Variants in COL11A2 observed in about 807,000 individuals in gnomAD.
The protein encoded by COL11A2 is collagen type XI alpha 2 chain, also known as collagen alpha-2(XI) chain.
Under a neutral mutation model 273.4 loss-of-function variants are expected in COL11A2, and 116 were observed. That is an observed-to-expected ratio of 0.42 (90% CI 0.36 to 0.49). The LOEUF is 0.49. COL11A2 is among the 20% of genes least tolerant of loss of function. The pLI, the probability that COL11A2 is intolerant of heterozygous loss-of-function variation, is 0.00. For synonymous variants in COL11A2, 782 were observed against 864.2 expected, an observed-to-expected ratio of 0.90 and a Z score of 1.67; for missense variants, 1,866 against 2,309.0, an observed-to-expected ratio of 0.81 and a Z score of 3.93.
chr6:33,173,574 G>T lies in COL11A2; in HGVS notation c.2629-19C>A. On this transcript the variant is annotated intron_variant, in intron 35 of 65. Coordinates refer to ENST00000341947, the MANE Select transcript of COL11A2 (RefSeq NM_080680.3). This position sits in a 1 kb window ranked among gnomAD's most constrained non-coding sequence, Gnocchi z 6.3. Reference sequence around the variant, plus strand: ...GGAGGCCCTAGAGACAGAGGTGGGGGGAGTCAGGAGAATGGGGGCAGGGGC... The same window carrying T: ...GGAGGCCCTAGAGACAGAGGTGGGGTGAGTCAGGAGAATGGGGGCAGGGGC... 7.6e-7 allele frequency: 1 copy of T among 1,316,572 alleles called. No individual in the cohort carries two copies. Among genetic ancestry groups the T allele is most frequent in the South Asian group, 1.2e-5 (1 of 84,776 alleles). The allele number at this position is 1,316,572 out of a possible 1,614,324, so 81.6% of individuals were successfully genotyped here.
intron 5 of COL11A2, among the ~76,000 whole-genome samples, chr6:33,186,199 C>A (rs907322560): frequency 6.6e-6 from 1 of 151,938 alleles, no homozygotes; most frequent in African/African-American, 2.4e-5. Context: ...CACACTTCTG[C>A]AGACCCACCC....
rs73741509 is a variant in COL11A2 at position 33,168,284 on chromosome 6, C to T, written c.3960+235G>A. On this transcript the variant is annotated intron_variant, in intron 54 of 65. Coordinates refer to ENST00000341947, the MANE Select transcript of COL11A2 (RefSeq NM_080680.3). Reference sequence around the variant, plus strand: ...ACCCACCAGCTCCTGCACACACACTCGCCCAGTGCAATGAGATACCGCATA... The same window carrying T: ...ACCCACCAGCTCCTGCACACACACTTGCCCAGTGCAATGAGATACCGCATA... 0.041 allele frequency among the ~76,000 whole-genome samples: 6,157 copies of T among 150,352 alleles called. 155 individuals carry two copies. The highest frequency in any genetic ancestry group is 0.074 in the African/African-American group (3,043 of 41,194).
chr6:33,180,707 G>C lies in COL11A2; in HGVS notation c.1245C>G (p.Ile415Met). The C allele has an allele frequency of 1.2e-6, 2 of 1,611,200 alleles. No individual in the cohort carries two copies. The highest frequency in any genetic ancestry group is 1.7e-6 in the Non-Finnish European group (2 of 1,179,212). ...CTCCAACTGGGCCTGGGTTCCCCTG[G>C]ATGCCAGGGGGACCAATCAATCCCT... ...GPAGLIGPPGIQGNPGPVGDP... is the reference protein window; with the variant it reads ...GPAGLIGPPGMQGNPGPVGDP... Residue 415 changes from isoleucine to methionine, a missense_variant, in exon 11 of 66, where the codon ATC (isoleucine) becomes ATG (methionine). By Grantham distance (10) the Ile-to-Met change is conservative. Transcript: ENST00000341947.
chr6:33,163,462 G>A lies in COL11A2; in HGVS notation c.*216C>T. On this transcript the variant is annotated 3_prime_UTR_variant, in exon 66 of 66. Coordinates refer to ENST00000341947, the MANE Select transcript of COL11A2 (RefSeq NM_080680.3). The surrounding 1 kb of genome is among the most constrained non-coding windows in gnomAD (Gnocchi z 4.1). Reference sequence around the variant, plus strand: ...CTCTCTAACGGGTAACAGGCTCCAGGTGGGAGGGCCAAGAGCCCCAGATGC... The same window carrying A: ...CTCTCTAACGGGTAACAGGCTCCAGATGGGAGGGCCAAGAGCCCCAGATGC... The A allele has an allele frequency of 1.6e-6, 1 of 634,374 alleles. No individual in the cohort carries two copies. The highest frequency in any genetic ancestry group is 2.8e-6 in the Non-Finnish European group (1 of 357,784). 39.3% of individuals were successfully genotyped at this position (634,374 alleles called of 1,614,324 possible). A position where few individuals can be genotyped will look rare whatever the true frequency, so the allele number is the denominator to read the frequency against.
Position 33,173,568 on chromosome 6 carries a change from GTGGGGGGAGTCAGGAGAA to G in COL11A2, c.2629-31_2629-14del. 1 of 1,477,182 alleles carries G rather than the reference GTGGGGGGAGTCAGGAGAA, an allele frequency of 6.8e-7. No homozygotes were observed. Among genetic ancestry groups the G allele is most frequent in the Non-Finnish European group, 9.2e-7 (1 of 1,090,196 alleles). 91.5% of individuals were successfully genotyped at this position (1,477,182 alleles called of 1,614,324 possible). A position where few individuals can be genotyped will look rare whatever the true frequency, so the allele number is the denominator to read the frequency against. On this transcript the variant is annotated splice_polypyrimidine_tract_variant and intron_variant, in intron 35 of 65. Coordinates refer to ENST00000341947, the MANE Select transcript of COL11A2 (RefSeq NM_080680.3). This position sits in a 1 kb window ranked among gnomAD's most constrained non-coding sequence, Gnocchi z 6.3. The stretch of plus-strand genomic sequence containing the variant: ...GTCCAGGGAGGCCCTAGAGACAGAG[GTGGGGGGAGTCAGGAGAA>G]TGGGGGCAGGGGCTGAGTGGGGGAA...
Position 33,166,630 on chromosome 6 carries a change from C to A in COL11A2, c.4339-64G>T. ...CCACACCCTCCTGAGCACCTGCTCG[C>A]TTACCCACAGCTGAGTCCCAACTCC... On this transcript the variant is annotated intron_variant, in intron 59 of 65. Transcript: ENST00000341947. The surrounding 1 kb of genome is among the most constrained non-coding windows in gnomAD (Gnocchi z 4.8). 1.2e-6 allele frequency: 2 copies of A among 1,611,600 alleles called. No individual in the cohort carries two copies. The highest frequency in any genetic ancestry group is 1.7e-6 in the Non-Finnish European group (2 of 1,178,166).
In COL11A2 at chr6:33,170,029, C is replaced by A. The variant is rs758007592; in HGVS notation, c.3636+18G>T. ...CCCCCACTTCCATGACTGGTCCACT[C>A]ACCCCCTTCCCAGTTACCTTCTCTC... On this transcript the variant is annotated intron_variant, in intron 49 of 65. Coordinates refer to ENST00000341947, the MANE Select transcript of COL11A2 (RefSeq NM_080680.3). The surrounding 1 kb of genome is among the most constrained non-coding windows in gnomAD (Gnocchi z 4.3). The A allele has an allele frequency of 6.2e-7, 1 of 1,613,208 alleles. No homozygotes were observed. Among genetic ancestry groups the A allele is most frequent in the Non-Finnish European group, 8.5e-7 (1 of 1,179,960 alleles).
intron 8 of COL11A2, among the ~76,000 whole-genome samples, 165 bp downstream of exon 8, chr6:33,183,980 G>A (rs1398387214): frequency 1.3e-5 from 2 of 152,140 alleles, no homozygotes; most frequent in African/African-American, 4.8e-5. Flanking sequence ...AGGAAGGCAG[G>A]TAGTAATCTT....
Position 33,180,139 on chromosome 6 carries a change from G to T in COL11A2, c.1359+119C>A. On this transcript the variant is annotated intron_variant, in intron 12 of 65. Transcript: ENST00000341947. ...CAAAGACGAATCCCTTTGGAGTGAT[G>T]ATCTTTGATGATCTTTAGAGACTCC... 3.7e-6 allele frequency: 4 copies of T among 1,089,750 alleles called. No homozygotes were observed. In the South Asian group the frequency reaches 3.7e-5, roughly 10 times the overall value. The allele number at this position is 1,089,750 out of a possible 1,614,324, so 67.5% of individuals were successfully genotyped here.
chr6:33,178,527 C>T lies in COL11A2; in HGVS notation c.1720-39G>A, dbSNP rs1217531639. 1 of 1,612,648 alleles carries T rather than the reference C, an allele frequency of 6.2e-7. No individual in the cohort carries two copies. The highest frequency in any genetic ancestry group is 1.7e-5 in the Admixed American group (1 of 60,012). On this transcript the variant is annotated intron_variant, in intron 18 of 65. Coordinates refer to ENST00000341947, the MANE Select transcript of COL11A2 (RefSeq NM_080680.3). This position sits in a 1 kb window ranked among gnomAD's most constrained non-coding sequence, Gnocchi z 4.6. ...GAACTCATAAGAGGGGCTTCAGAGCCCCCAACACAGGCAGACACCGAACCT... is the reference window on the plus strand; with the variant it reads ...GAACTCATAAGAGGGGCTTCAGAGCTCCCAACACAGGCAGACACCGAACCT...
At position 33,166,880 on chromosome 6, in the gene COL11A2, G is replaced by C; in HGVS notation, c.4231-53C>G. 6.3e-7 allele frequency: 1 copy of C among 1,583,196 alleles called. No homozygotes were observed. Among genetic ancestry groups the C allele is most frequent in the Non-Finnish European group, 8.6e-7 (1 of 1,158,972 alleles). ...AATGCAAAGAGGAGTCATGTGGATG[G>C]GGGAGAAGGGCCAAGAGGACATGGA... On this transcript the variant is annotated intron_variant, in intron 58 of 65. Coordinates refer to ENST00000341947, the MANE Select transcript of COL11A2 (RefSeq NM_080680.3). This position sits in a 1 kb window ranked among gnomAD's most constrained non-coding sequence, Gnocchi z 4.8.
intron 8 of COL11A2, among the ~76,000 whole-genome samples, chr6:33,183,894 ATT>A (rs879868865): frequency 6.8e-6 from 1 of 147,806 alleles, no homozygotes; most frequent in African/African-American, 2.5e-5. Flanking sequence ...GTGGCTACAT[ATT>A]TTTTTTTTTT....
At chr6:33,181,253 T>C in intron 8 of COL11A2, 83 bp from the exon 9 acceptor site, 1 of 1,407,526 alleles carries the variant, frequency 7.1e-7, no homozygotes, top group Non-Finnish European at 1.0e-6. Context: ...ACTCCAACCT[T>C]GATTCTTAGA....
chr6:33,180,173 T>C (rs1395027919), intron 12 of COL11A2, 85 bp downstream of exon 12: 2 of 1,343,910 alleles, frequency 1.5e-6, no homozygotes, highest in African/African-American at 1.4e-5. Context: ...CCTCCATATC[T>C]TTCCTGCCCA....
At chr6:33,185,115 C>G (rs1028930838) in intron 6 of COL11A2, 61 bp from the exon 7 acceptor site, 5 of 1,306,878 alleles carry the variant, frequency 3.8e-6, no homozygotes, top group Non-Finnish European at 5.4e-6. Flanking sequence ...GAAAGGTTAG[C>G]AGAAGGGAGG....
In COL11A2 at chr6:33,165,412, A is replaced by T; in HGVS notation, c.4750+137T>A. The T allele has an allele frequency of 3.8e-6, 5 of 1,326,032 alleles. No homozygotes were observed. The highest frequency in any genetic ancestry group is 5.3e-6 in the Non-Finnish European group (5 of 938,328). 82.1% of individuals were successfully genotyped at this position (1,326,032 alleles called of 1,614,324 possible). A position where few individuals can be genotyped will look rare whatever the true frequency, so the allele number is the denominator to read the frequency against. On this transcript the variant is annotated intron_variant, in intron 63 of 65. Coordinates refer to ENST00000341947, the MANE Select transcript of COL11A2 (RefSeq NM_080680.3). The surrounding 1 kb of genome is among the most constrained non-coding windows in gnomAD (Gnocchi z 7.7). The stretch of plus-strand genomic sequence containing the variant: ...TTGGGATACTTCTGACCTGGTTAGT[A>T]AATAGCTGCAGTTCCCAGCCCCTCA...
At position 33,189,054 on chromosome 6, in the gene COL11A2, G is replaced by A; in HGVS notation, c.367C>T (p.Leu123=). 1.2e-6 allele frequency: 2 copies of A among 1,614,224 alleles called. No homozygotes were observed. The highest frequency in any genetic ancestry group is 1.7e-6 in the Non-Finnish European group (2 of 1,180,038). ...GGCCGCCCAGTCTGGTCTTCATACA[G>A]GAAGCGGACAGGTCGGCCCAGCTCC... is the stretch of plus-strand genomic sequence containing the variant. ...GLELGRPVRF[L]YEDQTGRPQP... is the part of the protein sequence containing the mutation. The change falls in exon 3 of 66, where the codon CTG becomes TTG. Residue 123 remains leucine, a synonymous_variant. Transcript: ENST00000341947. The surrounding 1 kb of genome is among the most constrained non-coding windows in gnomAD (Gnocchi z 5.6).
rs1390397871 is a variant in COL11A2 at position 33,164,970 on chromosome 6, G to A, written c.4751-6C>T. 3 of 1,565,668 alleles carry A rather than the reference G, an allele frequency of 1.9e-6. No individual in the cohort carries two copies. The South Asian group carries it at 3.5e-5, about 18-fold the overall frequency. On this transcript the variant is annotated splice_polypyrimidine_tract_variant and splice_region_variant and intron_variant, in intron 63 of 65. Coordinates refer to ENST00000341947, the MANE Select transcript of COL11A2 (RefSeq NM_080680.3). This position sits in a 1 kb window ranked among gnomAD's most constrained non-coding sequence, Gnocchi z 4.7. ...GGGGTCGACCCAGTACTCTCCTGTTGGGTGAGGGAGAGGGGAGGTCAGGGC... is the reference window on the plus strand; with the variant it reads ...GGGGTCGACCCAGTACTCTCCTGTTAGGTGAGGGAGAGGGGAGGTCAGGGC...
chr6:33,163,707 G>C lies in COL11A2; in HGVS notation c.5182C>G (p.Leu1728Val), dbSNP rs1355174506. The change falls in exon 66 of 66, where the codon CTG becomes GTG. Residue 1728 changes from leucine to valine, a missense_variant. Coordinates refer to ENST00000341947, the MANE Select transcript of COL11A2 (RefSeq NM_080680.3). This position sits in a 1 kb window ranked among gnomAD's most constrained non-coding sequence, Gnocchi z 4.1. ...LGAPPRRGGV[L>V]LGPVCFMG ...CCCATGAAGCAGACAGGCCCCAGCA[G>C]CACCCCTCCCCGCCTCGGTGGGGCT... 6.2e-7 allele frequency: 1 copy of C among 1,612,940 alleles called. No homozygotes were observed. Among genetic ancestry groups the C allele is most frequent in the Non-Finnish European group, 8.5e-7 (1 of 1,180,016 alleles).
Sources: allele counts gnomAD v4.1 joint callset (sites outside exome capture counted in the v4.1 genomes callset), GRCh38; gene constraint gnomAD v4.1.1; non-coding constraint Gnocchi (gnomAD v3.1); transcripts MANE v1.5; gene names NCBI Gene and HGNC (gene_info 2026-07-23, HGNC 2026-07-21).